The following MARCHF2 variants were observed in gnomAD, a reference collection of about 807,000 sequenced individuals.
The protein encoded by MARCHF2 is E3 ubiquitin-protein ligase MARCHF2.
Under a neutral mutation model 24.0 loss-of-function variants are expected in MARCHF2, and 22 were observed. The ratio of observed to expected loss-of-function variants is 0.92; its 90% CI spans 0.66 to 1.31. The LOEUF is 1.31. Ranked by LOEUF, MARCHF2 falls within the 50% of genes most tolerant of loss-of-function variation. The probability of loss-of-function intolerance (pLI) is 0.00; values close to 1 mark genes in which losing one functional copy is unlikely to be tolerated. For missense variants in MARCHF2, 301 were observed against 335.3 expected, an observed-to-expected ratio of 0.90 and a Z score of 0.80; for synonymous variants, 154 against 153.0, an observed-to-expected ratio of 1.01 and a Z score of -0.05.
chr19:8,438,347 T>G (rs1322012233), intron 4 of MARCHF2, 41 bp from the exon 5 acceptor site: 1 of 1,605,628 alleles, frequency 6.2e-7, no homozygotes, highest in Non-Finnish European at 8.5e-7. Context: ...TTTCCTCCCT[T>G]GCGGGTGGAG....
intron 3 of MARCHF2, among the ~76,000 whole-genome samples, chr19:8,429,033 C>T (rs1355262797): frequency 6.6e-6 from 1 of 151,740 alleles, no homozygotes; most frequent in Non-Finnish European, 1.5e-5. Context: ...CCTTCACACA[C>T]CCTCCCACAC....
intron 1 of MARCHF2, among the ~76,000 whole-genome samples, chr19:8,415,967 C>T (rs1967076541): frequency 6.6e-6 from 1 of 152,012 alleles, no homozygotes; most frequent in Non-Finnish European, 1.5e-5. Flanking sequence ...TGATGCCCAC[C>T]ACAGGGGCTG....
At chr19:8,438,329 C>T (rs1436972512) in intron 4 of MARCHF2, 59 bp from the exon 5 acceptor site, 18 of 1,582,602 alleles carry the variant, frequency 1.1e-5, no homozygotes, top group Admixed American at 8.5e-5. Context: ...GCCACCACGG[C>T]GACTTGTTTT....
intron 4 of MARCHF2, among the ~76,000 whole-genome samples, chr19:8,434,086 T>C (rs112824608): frequency 0.012 from 1,824 of 147,034 alleles, 47 homozygotes; most frequent in African/African-American, 0.042. Context: ...CATTTCTTTT[T>C]TTTTTTTTTT....
chr19:8,429,163 C>G (rs1445366936), intron 3 of MARCHF2, among the ~76,000 whole-genome samples: 1 of 147,984 alleles, frequency 6.8e-6, no homozygotes, highest in Non-Finnish European at 1.5e-5. Flanking sequence ...CCCCATCTCC[C>G]CCATTCTTCA....
chr19:8,421,382 C>CTTTTTTTT (rs1254772289), intron 1 of MARCHF2, among the ~76,000 whole-genome samples: 125 of 111,614 alleles, frequency 1.1e-3, no homozygotes, highest in Non-Finnish European at 1.4e-3. Flanking sequence ...TCTTTCTTTT[C>CTTTTTTTT]TTTTTTTTTT....
rs1426196921 is a variant in MARCHF2 at position 8,430,740 on chromosome 19, C to T, written c.455C>T (p.Ala152Val). Residue 152 changes from alanine to valine, a missense_variant, in exon 4 of 5, where the codon GCC becomes GTC. Ala to Val is a moderately conservative substitution (Grantham distance 64). Coordinates refer to ENST00000215555, the MANE Select transcript of MARCHF2 (RefSeq NM_001005415.2). This position sits in a 1 kb window ranked among gnomAD's most constrained non-coding sequence, Gnocchi z 4.4. Reference sequence around the variant, plus strand: ...TGTTTCCTGTTCATCACACCGCTGGCCGCCATCTCAGGCTGGTTGTGCCTG... The same window carrying T: ...TGTTTCCTGTTCATCACACCGCTGGTCGCCATCTCAGGCTGGTTGTGCCTG... ...MVCFLFITPL[A>V]AISGWLCLRG... 6.2e-7 allele frequency: 1 copy of T among 1,611,478 alleles called. No individual in the cohort carries two copies. Among genetic ancestry groups the T allele is most frequent in the South Asian group, 1.1e-5 (1 of 91,072 alleles).
rs571679575 is a variant in MARCHF2 at position 8,422,134 on chromosome 19, TAGAG to T, written c.176+120_176+123del. The T allele has an allele frequency of 1.2e-4, 127 of 1,074,592 alleles. No individual in the cohort carries two copies. In the East Asian group the frequency reaches 3.1e-3, roughly 27 times the overall value. The allele number at this position is 1,074,592 out of a possible 1,614,324, so 66.6% of individuals were successfully genotyped here. A position where few individuals can be genotyped will look rare whatever the true frequency, so the allele number is the denominator to read the frequency against. The stretch of plus-strand genomic sequence containing the variant: ...GTTGACAGAGGGCCAAGTGGGTAAA[TAGAG>T]AAAGAGACACAAACAGTTATCGCCT... On this transcript the variant is annotated intron_variant, in intron 2 of 4. Coordinates refer to ENST00000215555, the MANE Select transcript of MARCHF2 (RefSeq NM_001005415.2).
intron 4 of MARCHF2, among the ~76,000 whole-genome samples, chr19:8,432,414 T>C (rs79004257): frequency 6.6e-6 from 1 of 152,226 alleles, no homozygotes; most frequent in East Asian, 1.9e-4. Flanking sequence ...TCAGCTACTC[T>C]GGAGGCCAAG....
At position 8,437,420 on chromosome 19, in the gene MARCHF2, C is replaced by T. The variant is rs187234818; in HGVS notation, c.583-968C>T. Among the ~76,000 whole-genome samples, 348 of 143,444 alleles carry T rather than the reference C, an allele frequency of 2.4e-3. 1 individual carries two copies. Among genetic ancestry groups the T allele is most frequent in the African/African-American group, 8.4e-3 (328 of 39,074 alleles). The allele number at this position is 143,444 out of a possible 152,430, so 94.1% of individuals were successfully genotyped here. ...AGGCTGGAGTGCCGTGGTGCGATCT[C>T]GGCTCACTGCAAGCTCTGCCTCCCA... On this transcript the variant is annotated intron_variant, in intron 4 of 4. Coordinates refer to ENST00000215555, the MANE Select transcript of MARCHF2 (RefSeq NM_001005415.2).
chr19:8,426,860 G>A lies in MARCHF2; in HGVS notation c.372+56G>A. 5.9e-6 allele frequency: 9 copies of A among 1,530,072 alleles called. No homozygotes were observed. In the South Asian group the frequency reaches 8.2e-5, roughly 14 times the overall value. The allele number at this position is 1,530,072 out of a possible 1,614,324, so 94.8% of individuals were successfully genotyped here. ...CAGTGGGGAGAGGGCAGACATGGGG[G>A]CCAAAGGCAGGAGCTGCCCCGGGCA... On this transcript the variant is annotated intron_variant, in intron 3 of 4. Coordinates refer to ENST00000215555, the MANE Select transcript of MARCHF2 (RefSeq NM_001005415.2).
intron 1 of MARCHF2, among the ~76,000 whole-genome samples, chr19:8,418,152 C>G (rs75630517): frequency 6.6e-6 from 1 of 152,162 alleles, no homozygotes; most frequent in East Asian, 1.9e-4. Flanking sequence ...CCTGCCTTCC[C>G]GTAAAGAGCC....
At chr19:8,421,505 G>A (rs532108802) in intron 1 of MARCHF2, among the ~76,000 whole-genome samples, 3 of 151,324 alleles carry the variant, frequency 2.0e-5, no homozygotes, top group South Asian at 4.2e-4. Flanking sequence ...GGGATTACAG[G>A]CGTCAGCCAC....
In MARCHF2 at chr19:8,417,717, C is replaced by T. The variant is rs545371253; in HGVS notation, c.-52-4072C>T. On this transcript the variant is annotated intron_variant, in intron 1 of 4. Coordinates refer to ENST00000215555, the MANE Select transcript of MARCHF2 (RefSeq NM_001005415.2). ...CCTCCCAAAGTGCTGGGATTACAGG[C>T]ATGAGCCACTACGCCCGGCCAATAC... Among the ~76,000 whole-genome samples the T allele has an allele frequency of 7.1e-3, 1,003 of 141,316 alleles. 7 individuals are homozygous for T. The highest frequency in any genetic ancestry group is 0.01 in the Non-Finnish European group (671 of 66,522). The allele number at this position is 141,316 out of a possible 152,430, so 92.7% of individuals were successfully genotyped here. A position where few individuals can be genotyped will look rare whatever the true frequency, so the allele number is the denominator to read the frequency against.
rs1427940892 is a variant in MARCHF2, at chr19:8,438,732, T to G, written c.*186T>G. 59 of 439,094 alleles carry G rather than the reference T, an allele frequency of 1.3e-4. No homozygotes were observed. Among genetic ancestry groups the G allele is most frequent in the South Asian group, 7.7e-4 (20 of 25,864 alleles). The allele number at this position is 439,094 out of a possible 1,614,324, so 27.2% of individuals were successfully genotyped here. ...CCTGTGTGAAGATATTTTCAGGGTT[T>G]TTTTTTTTTTTTTTTTGCATATGGA... On this transcript the variant is annotated 3_prime_UTR_variant, in exon 5 of 5. Coordinates refer to ENST00000215555, the MANE Select transcript of MARCHF2 (RefSeq NM_001005415.2).
intron 1 of MARCHF2, among the ~76,000 whole-genome samples, chr19:8,419,387 A>G (rs1342143708): frequency 6.6e-6 from 1 of 152,158 alleles, no homozygotes; most frequent in Admixed American, 6.6e-5. Context: ...TCAGCTACTC[A>G]GCAGGCTGAG....
intron 3 of MARCHF2, 131 bp downstream of exon 3, chr19:8,426,935 G>C: frequency 1.3e-6 from 1 of 765,240 alleles, no homozygotes. Context: ...TGTCCACCAG[G>C]TGGGTCTGCT....
chr19:8,417,307 G>A (rs1051352422), intron 1 of MARCHF2, among the ~76,000 whole-genome samples: 1 of 152,156 alleles, frequency 6.6e-6, no homozygotes, highest in Non-Finnish European at 1.5e-5. Context: ...AGCTGGGTGT[G>A]GTGAAACACA....
At chr19:8,415,950 A>T (rs1014736027) in intron 1 of MARCHF2, among the ~76,000 whole-genome samples, 2 of 151,944 alleles carry the variant, frequency 1.3e-5, no homozygotes, top group African/African-American at 4.8e-5. Flanking sequence ...TAGCCTCTAA[A>T]TATCTCTGAT....
Sources: gnomAD v4.1 joint callset for allele counts (sites outside exome capture counted in the v4.1 genomes callset) on GRCh38, gnomAD v4.1.1 for gene constraint, Gnocchi (gnomAD v3.1) non-coding constraint, MANE v1.5 for transcripts, NCBI Gene and HGNC (gene_info 2026-07-23, HGNC 2026-07-21) for gene names.